The following NOL10 variants were observed in gnomAD, a reference collection of about 807,000 sequenced individuals.
NOL10 encodes H_NH0074G24.1.
NOL10 carries 58 observed loss-of-function variants against 103.5 expected under a neutral mutation model. The ratio of observed to expected loss-of-function variants is 0.56; its 90% confidence interval spans 0.45 to 0.70. The LOEUF is 0.70. Among genes scored for constraint, NOL10 ranks in the 30% least tolerant of loss-of-function variants. The probability of loss-of-function intolerance (pLI) is 0.00; values close to 1 mark genes in which losing one functional copy is unlikely to be tolerated. For missense variants in NOL10, 763 were observed against 807.3 expected (o/e 0.95, Z 0.67); for synonymous variants, 287 against 282.5 (o/e 1.02, Z -0.16).
intron 20 of NOL10, among the ~76,000 whole-genome samples, chr2:10,575,075 C>T (rs1674388991): frequency 1.3e-5 from 2 of 152,196 alleles, no homozygotes; most frequent in Admixed American, 6.5e-5. Flanking sequence ...CTCCTCTTCC[C>T]GACTACTTCA....
At position 10,671,405 on chromosome 2, in the gene NOL10, TTTTC is replaced by T. The variant is rs892604305; in HGVS notation, c.464+145_464+148del. On this transcript the variant is annotated intron_variant, in intron 6 of 20. Transcript: ENST00000381685. The stretch of plus-strand genomic sequence containing the variant: ...AATTTTTTGCCTATCCTGTGTTTTC[TTTTC>T]TTTTTTTTTTTTTTTTTACAAGAGC... The T allele has an allele frequency of 3.6e-5, 26 of 715,072 alleles. No individual in the cohort carries two copies. In the African/African-American group the frequency reaches 4.2e-4, roughly 12 times the overall value. The allele number at this position is 715,072 out of a possible 1,614,324, so 44.3% of individuals were successfully genotyped here.
At chr2:10,583,887 T>C (rs1344509057) in intron 19 of NOL10, among the ~76,000 whole-genome samples, 1 of 152,250 alleles carries the variant, frequency 6.6e-6, no homozygotes, top group Non-Finnish European at 1.5e-5. Context: ...ATGCCTATGT[T>C]TTTATTTGCT....
chr2:10,626,088 G>A (rs2148231375), intron 13 of NOL10, among the ~76,000 whole-genome samples: 1 of 152,194 alleles, frequency 6.6e-6, no homozygotes, highest in East Asian at 1.9e-4. Flanking sequence ...GCTGAGGTAG[G>A]AGGATTACTT....
intron 13 of NOL10, among the ~76,000 whole-genome samples, chr2:10,637,535 G>A (rs1180948675): frequency 2.0e-5 from 3 of 152,190 alleles, no homozygotes; most frequent in Non-Finnish European, 4.4e-5. Flanking sequence ...CCCTGTGATG[G>A]CGTCAGAAGG....
At chr2:10,620,205 C>T (rs1212373413) in intron 13 of NOL10, among the ~76,000 whole-genome samples, 1 of 152,134 alleles carries the variant, frequency 6.6e-6, no homozygotes. Flanking sequence ...TCCTTGCAGG[C>T]AAAAGTGTTT....
intron 13 of NOL10, among the ~76,000 whole-genome samples, chr2:10,615,883 G>A (rs1676806653): frequency 6.6e-6 from 1 of 152,172 alleles, no homozygotes; most frequent in South Asian, 2.1e-4. Flanking sequence ...GGGAACCAAA[G>A]CTGCCCTATG....
At chr2:10,604,358 A>G (rs1269868002) in intron 14 of NOL10, among the ~76,000 whole-genome samples, 1 of 152,264 alleles carries the variant, frequency 6.6e-6, no homozygotes, top group African/African-American at 2.4e-5. Flanking sequence ...GTACTGAGCA[A>G]AATCATACAG....
At chr2:10,634,078 T>A (rs1678025014) in intron 13 of NOL10, among the ~76,000 whole-genome samples, 1 of 152,156 alleles carries the variant, frequency 6.6e-6, no homozygotes, top group Non-Finnish European at 1.5e-5. Flanking sequence ...TCCTCTTGCC[T>A]CAGCCACCCA....
At chr2:10,614,746 T>C (rs937200528) in intron 13 of NOL10, among the ~76,000 whole-genome samples, 5 of 152,210 alleles carry the variant, frequency 3.3e-5, no homozygotes, top group African/African-American at 1.2e-4. Context: ...TGTACTATAA[T>C]GTATATACAC....
In NOL10 at chr2:10,689,940, C is replaced by T; in HGVS notation, c.-79G>A. The T allele has an allele frequency of 1.4e-6, 2 of 1,380,814 alleles. No homozygotes were observed. Among genetic ancestry groups the T allele is most frequent in the Non-Finnish European group, 1.0e-6 (1 of 998,296 alleles). 85.5% of individuals were successfully genotyped at this position (1,380,814 alleles called of 1,614,324 possible). ...GCACCGTAATCCCGGGACCTCCGAGCCCCTGCTCCGCGGCGTGCGGCCGCT... is the reference window on the plus strand; with the variant it reads ...GCACCGTAATCCCGGGACCTCCGAGTCCCTGCTCCGCGGCGTGCGGCCGCT... On this transcript the variant is annotated 5_prime_UTR_variant, in exon 1 of 21. Transcript: ENST00000381685.
intron 13 of NOL10, among the ~76,000 whole-genome samples, chr2:10,633,915 C>T (rs1678015354): frequency 6.6e-6 from 1 of 152,136 alleles, no homozygotes; most frequent in African/African-American, 2.4e-5. Context: ...TAGCCTCAAA[C>T]TCCTGGGCTC....
chr2:10,666,121 A>G (rs187128757), intron 8 of NOL10, among the ~76,000 whole-genome samples: 50 of 152,334 alleles, frequency 3.3e-4, no homozygotes, highest in African/African-American at 1.2e-3. Flanking sequence ...TCCCACTCAT[A>G]AGTGAGAACA....
chr2:10,622,382 G>A (rs918949174), intron 13 of NOL10, among the ~76,000 whole-genome samples: 5 of 151,634 alleles, frequency 3.3e-5, no homozygotes, highest in African/African-American at 1.2e-4. Context: ...CACAGCATGT[G>A]CACCAACTTG....
chr2:10,677,871 G>GTGTGTATATA (rs201387297), intron 3 of NOL10, among the ~76,000 whole-genome samples: 3 of 145,898 alleles, frequency 2.1e-5, no homozygotes, highest in African/African-American at 7.7e-5. Context: ...GTGTGTGTGT[G>GTGTGTATATA]TATACACATA....
At chr2:10,662,771 G>T (rs1680290670) in intron 9 of NOL10, among the ~76,000 whole-genome samples, 188 bp downstream of exon 9, 1 of 152,120 alleles carries the variant, frequency 6.6e-6, no homozygotes, top group South Asian at 2.1e-4. Flanking sequence ...CTTCTGTATA[G>T]TATTTTGGAA....
intron 19 of NOL10, among the ~76,000 whole-genome samples, chr2:10,585,014 C>T (rs1359079742): frequency 6.6e-6 from 1 of 152,182 alleles, no homozygotes; most frequent in East Asian, 1.9e-4. Flanking sequence ...ACACTCAAAA[C>T]AACTGCTCCC....
intron 13 of NOL10, among the ~76,000 whole-genome samples, chr2:10,619,590 T>C (rs890976947): frequency 6.6e-6 from 1 of 152,230 alleles, no homozygotes; most frequent in Admixed American, 6.5e-5. Context: ...AATAAAAAGC[T>C]TTACATATCT....
At chr2:10,579,326 G>A (rs1674630817) in intron 19 of NOL10, among the ~76,000 whole-genome samples, 1 of 152,116 alleles carries the variant, frequency 6.6e-6, no homozygotes, top group Non-Finnish European at 1.5e-5. Flanking sequence ...CCCTGAGACA[G>A]AAGTATTTAT....
At chr2:10,636,747 T>A (rs1285973766) in intron 13 of NOL10, among the ~76,000 whole-genome samples, 1 of 151,742 alleles carries the variant, frequency 6.6e-6, no homozygotes, top group Non-Finnish European at 1.5e-5. Flanking sequence ...ACCATCTATA[T>A]AGGAAGAAGA....
Sources: allele counts gnomAD v4.1 joint callset (sites outside exome capture counted in the v4.1 genomes callset), GRCh38; gene constraint gnomAD v4.1.1; transcripts MANE v1.5; gene names NCBI Gene and HGNC (gene_info 2026-07-23, HGNC 2026-07-21).